The following DPP6 variants were observed in gnomAD, a reference collection of about 807,000 sequenced individuals.
DPP6 encodes A-type potassium channel modulatory protein DPP6.
In DPP6, 69 loss-of-function variants were observed where a neutral mutation model predicts 122.6. The ratio of observed to expected loss-of-function variants is 0.56; its 90% CI spans 0.46 to 0.69. The LOEUF (loss-of-function observed/expected upper bound fraction) is 0.69. Ranked by LOEUF, DPP6 falls within the 30% of genes least tolerant of loss-of-function variation. The probability of loss-of-function intolerance (pLI) is 0.00; values close to 1 mark genes in which losing one functional copy is unlikely to be tolerated. For synonymous variants in DPP6, 418 were observed against 433.1 expected (o/e 0.97, Z 0.43); for missense variants, 928 against 1,116.9 (o/e 0.83, Z 2.41).
chr7:153,953,285 C>T (rs1487834121), intron 1 of DPP6, among the ~76,000 whole-genome samples: 2 of 152,078 alleles, frequency 1.3e-5, no homozygotes, highest in Non-Finnish European at 2.9e-5. Flanking sequence ...GGTATTATCA[C>T]TGCCATTTAT....
intron 1 of DPP6, chr7:153,887,822 A>C (rs916222416): frequency 1.7e-5 from 24 of 1,445,524 alleles, no homozygotes; most frequent in Non-Finnish European, 2.2e-5. Flanking sequence ...CTCAGTCCCG[A>C]ACCTCCCTGG....
At chr7:154,441,960 A>C (rs1819414006) in intron 1 of DPP6, among the ~76,000 whole-genome samples, 1 of 152,258 alleles carries the variant, frequency 6.6e-6, no homozygotes, top group African/African-American at 2.4e-5. Flanking sequence ...TGAGTTAAAA[A>C]TAAGTATGAG....
the DPP6 span, among the ~76,000 whole-genome samples, chr7:153,866,370 T>C: frequency 9.2e-5 from 14 of 152,190 alleles, no homozygotes; most frequent in Non-Finnish European, 1.5e-5. Flanking sequence ...TGGTATCTCA[T>C]TGTGGTTTTG....
intron 1 of DPP6, among the ~76,000 whole-genome samples, chr7:154,216,701 C>T (rs117329493): frequency 0.012 from 1,881 of 152,128 alleles, 18 homozygotes; most frequent in Non-Finnish European, 0.018. Context: ...GCACTGAGTC[C>T]CAGGAGGAAG....
chr7:153,959,881 G>T (rs2531111), intron 1 of DPP6, among the ~76,000 whole-genome samples: 10 of 152,168 alleles, frequency 6.6e-5, no homozygotes, highest in Non-Finnish European at 1.0e-4. Context: ...GCTTTCAGCC[G>T]ATCTCAGCTT....
intron 1 of DPP6, among the ~76,000 whole-genome samples, chr7:154,419,352 A>G (rs1158558583): frequency 1.3e-5 from 2 of 152,222 alleles, no homozygotes; most frequent in African/African-American, 4.8e-5. Flanking sequence ...ACAGATAGTC[A>G]TCCTTCCAGG....
intron 1 of DPP6, among the ~76,000 whole-genome samples, chr7:154,024,833 T>C (rs1798895035): frequency 6.6e-6 from 1 of 152,240 alleles, no homozygotes; most frequent in Admixed American, 6.5e-5. Flanking sequence ...TACCACAGTC[T>C]GTGTAAGATG....
intron 16 of DPP6, among the ~76,000 whole-genome samples, chr7:154,826,398 C>T (rs1387525981): frequency 6.6e-6 from 1 of 152,128 alleles, no homozygotes; most frequent in Non-Finnish European, 1.5e-5. Flanking sequence ...CCTTTGTAAT[C>T]CTGATTCCTT....
At chr7:154,803,592 G>A (rs1463528138) in intron 13 of DPP6, among the ~76,000 whole-genome samples, 1 of 152,216 alleles carries the variant, frequency 6.6e-6, no homozygotes, top group African/African-American at 2.4e-5. Flanking sequence ...TGGAGGCCAG[G>A]TCCAAGTGAT....
At chr7:154,805,845 C>T (rs569378557) in intron 15 of DPP6, among the ~76,000 whole-genome samples, 5 of 152,322 alleles carry the variant, frequency 3.3e-5, no homozygotes, top group African/African-American at 9.6e-5. Flanking sequence ...TCCCCCGTGC[C>T]TCTGCATGGG....
intron 2 of DPP6, among the ~76,000 whole-genome samples, chr7:154,449,787 C>G (rs1440790565): frequency 6.6e-6 from 1 of 151,866 alleles, no homozygotes; most frequent in African/African-American, 2.4e-5. Context: ...GAGGGTGGAT[C>G]ATGAGGTCAG....
intron 1 of DPP6, among the ~76,000 whole-genome samples, chr7:154,107,714 C>T (rs1287818712): frequency 2.0e-5 from 3 of 152,180 alleles, no homozygotes; most frequent in Non-Finnish European, 4.4e-5. Context: ...CAGTTTTAAA[C>T]ATTTTTTTTA....
intron 19 of DPP6, among the ~76,000 whole-genome samples, chr7:154,874,333 G>A (rs1804670415): frequency 6.6e-6 from 1 of 152,312 alleles, no homozygotes; most frequent in African/African-American, 2.4e-5. Flanking sequence ...GGTAAAAGTG[G>A]TCGTGCCCGG....
At chr7:154,019,383 CTTCT>C (rs777515827) in intron 1 of DPP6, among the ~76,000 whole-genome samples, 12 of 151,304 alleles carry the variant, frequency 7.9e-5, no homozygotes, top group East Asian at 1.9e-4. Context: ...CTTTCTATTT[CTTCT>C]TTCTTTCTCC....
At chr7:154,221,366 C>T (rs911357689) in intron 1 of DPP6, among the ~76,000 whole-genome samples, 1 of 152,116 alleles carries the variant, frequency 6.6e-6, no homozygotes, top group Non-Finnish European at 1.5e-5. Flanking sequence ...GTCTCAAACT[C>T]CTGACCTCAA....
the DPP6 span, among the ~76,000 whole-genome samples, chr7:153,798,595 G>A: frequency 6.6e-6 from 1 of 152,130 alleles, no homozygotes; most frequent in Non-Finnish European, 1.5e-5. Context: ...TTGGCACCAG[G>A]GACTGGTTTC....
intron 1 of DPP6, among the ~76,000 whole-genome samples, chr7:154,279,962 A>G (rs749757102): frequency 4.6e-5 from 7 of 152,218 alleles, no homozygotes; most frequent in Non-Finnish European, 8.8e-5. Flanking sequence ...TACAATGCTG[A>G]TATCCTATTC....
intron 2 of DPP6, among the ~76,000 whole-genome samples, chr7:154,456,630 C>T (rs567714074): frequency 2.0e-5 from 3 of 152,158 alleles, no homozygotes; most frequent in Admixed American, 1.3e-4. Context: ...TCTTTTATGG[C>T]CAAAAGGGGG....
chr7:154,872,215 C>T (rs898899967), intron 18 of DPP6, among the ~76,000 whole-genome samples: 1 of 152,228 alleles, frequency 6.6e-6, no homozygotes, highest in African/African-American at 2.4e-5. Context: ...CTCTCCCTGC[C>T]TCCCTGCTCC....
Sources: allele counts gnomAD v4.1 joint callset (sites outside exome capture counted in the v4.1 genomes callset), GRCh38; gene constraint gnomAD v4.1.1; transcripts MANE v1.5; gene names NCBI Gene and HGNC (gene_info 2026-07-23, HGNC 2026-07-21).